Variants in RUFY1 observed in about 807,000 individuals in gnomAD.
RUFY1 encodes RUN and FYVE domain containing 1.
Under a neutral mutation model 94.6 loss-of-function variants are expected in RUFY1, and 54 were observed. That is an observed-to-expected ratio of 0.57 (90% CI 0.46 to 0.72). The LOEUF (loss-of-function observed/expected upper bound fraction) is 0.72, where lower values mean the gene tolerates loss of function less well. Ranked by LOEUF, RUFY1 falls within the 30% of genes least tolerant of loss-of-function variation. The pLI, the probability that RUFY1 is intolerant of heterozygous loss-of-function variation, is 0.00. For synonymous variants in RUFY1, 396 were observed against 347.3 expected (o/e 1.14, Z -1.56); for missense variants, 883 against 883.9 (o/e 1.00, Z 0.01).
chr5:179,582,014 A>G (rs1764201270), intron 7 of RUFY1, among the ~76,000 whole-genome samples: 1 of 151,972 alleles, frequency 6.6e-6, no homozygotes, highest in Admixed American at 6.6e-5. Context: ...GATGTTGGCT[A>G]TTTTTTGAAA....
intron 1 of RUFY1, among the ~76,000 whole-genome samples, chr5:179,557,619 CA>C (rs1762174215): frequency 1.3e-5 from 2 of 152,122 alleles, no homozygotes; most frequent in Admixed American, 1.3e-4. Flanking sequence ...CCATTTTCAT[CA>C]AATACTTAGC....
At chr5:179,554,925 G>A (rs1371872267) in intron 1 of RUFY1, among the ~76,000 whole-genome samples, 3 of 151,822 alleles carry the variant, frequency 2.0e-5, no homozygotes, top group African/African-American at 4.8e-5. Flanking sequence ...CCAAGATCAC[G>A]CCACTGCACT....
At chr5:179,586,774 G>T (rs1238451846) in intron 8 of RUFY1, among the ~76,000 whole-genome samples, 1 of 152,168 alleles carries the variant, frequency 6.6e-6, no homozygotes, top group Non-Finnish European at 1.5e-5. Flanking sequence ...CTTAGGATTG[G>T]AGGCTTCACA....
In RUFY1 at chr5:179,602,005, T is replaced by G; in HGVS notation, c.1856+19T>G. 6.3e-7 allele frequency: 1 copy of G among 1,593,064 alleles called. No homozygotes were observed. Among genetic ancestry groups the G allele is most frequent in the Non-Finnish European group, 8.6e-7 (1 of 1,161,556 alleles). On this transcript the variant is annotated intron_variant, in intron 15 of 17. Transcript: ENST00000319449. ...TCAGCCAGTAAGAACCCCACTCCCC[T>G]TGTCTGCCACTGCAGGCACACCAGG...
intron 5 of RUFY1, among the ~76,000 whole-genome samples, chr5:179,575,655 G>A (rs1366107331): frequency 1.3e-5 from 2 of 152,182 alleles, no homozygotes; most frequent in African/African-American, 4.8e-5. Context: ...TTTGGTAGGT[G>A]TGTCAGAGAG....
chr5:179,596,710 G>A, intron 13 of RUFY1, 29 bp downstream of exon 13: 1 of 1,552,924 alleles, frequency 6.4e-7, no homozygotes, highest in Non-Finnish European at 8.6e-7. Context: ...GCCTGGGCTG[G>A]GGTGTGGCTC....
chr5:179,604,017 A>G (rs1472510886), intron 15 of RUFY1, among the ~76,000 whole-genome samples: 1 of 152,234 alleles, frequency 6.6e-6, no homozygotes, highest in East Asian at 1.9e-4. Context: ...AGATCGCGCC[A>G]TTGCACTCCA....
chr5:179,580,835 G>GT, intron 6 of RUFY1, 112 bp from the exon 7 acceptor site: 1 of 617,806 alleles, frequency 1.6e-6, no homozygotes, highest in Non-Finnish European at 2.8e-6. Flanking sequence ...CTGTCTCTTG[G>GT]TTTCTTGAAG....
chr5:179,567,289 C>T (rs968773426), intron 3 of RUFY1, among the ~76,000 whole-genome samples, 172 bp from the exon 4 acceptor site: 14 of 152,176 alleles, frequency 9.2e-5, no homozygotes, highest in African/African-American at 2.7e-4. Flanking sequence ...GAGCCATTTT[C>T]GCTGCCTGCC....
At chr5:179,580,515 T>G (rs1764071357) in intron 6 of RUFY1, among the ~76,000 whole-genome samples, 1 of 151,484 alleles carries the variant, frequency 6.6e-6, no homozygotes, top group Admixed American at 6.6e-5. Flanking sequence ...GTGCTGGGAT[T>G]ACAGGCGTGA....
intron 6 of RUFY1, among the ~76,000 whole-genome samples, chr5:179,578,761 A>G (rs1219811035): frequency 6.6e-6 from 1 of 151,588 alleles, no homozygotes; most frequent in African/African-American, 2.4e-5. Flanking sequence ...CTCCTGCCTC[A>G]ACCTTCCTGA....
chr5:179,608,381 A>C (rs1161758584), intron 17 of RUFY1: 1 of 985,460 alleles, frequency 1.0e-6, no homozygotes, highest in African/African-American at 1.7e-5. Flanking sequence ...GCTAGAAACC[A>C]CGTCCTGAGG....
At chr5:179,551,012 G>A in intron 1 of RUFY1, 133 bp downstream of exon 1, 4 of 774,872 alleles carry the variant, frequency 5.2e-6, no homozygotes, top group Middle Eastern at 6.3e-4. Flanking sequence ...GCGGGCGGGC[G>A]GCGCCTGGCT....
At position 179,559,419 on chromosome 5, in the gene RUFY1, A is replaced by G. The variant is rs548997245; in HGVS notation, c.311-606A>G. On this transcript the variant is annotated intron_variant, in intron 1 of 17. Transcript: ENST00000319449. ...AGTAGCGGACGAAAGATCGGCAACA[A>G]GAATTTGAGCCTGGAGCTGAGGGGA... 5.9e-5 allele frequency among the ~76,000 whole-genome samples: 9 copies of G among 152,354 alleles called. No homozygotes were observed. The East Asian group carries it at 1.5e-3, about 26-fold the overall frequency.
intron 1 of RUFY1, among the ~76,000 whole-genome samples, chr5:179,551,156 G>A (rs73330331): frequency 6.6e-6 from 1 of 152,212 alleles, no homozygotes; most frequent in South Asian, 2.1e-4. Context: ...TCCGGGCTTC[G>A]GAACTCTGTA....
intron 15 of RUFY1, among the ~76,000 whole-genome samples, chr5:179,605,545 G>A (rs1194386748): frequency 6.6e-6 from 1 of 152,178 alleles, no homozygotes; most frequent in African/African-American, 2.4e-5. Flanking sequence ...AGAGACTAGT[G>A]CAGAACAGGG....
At chr5:179,599,099 C>T (rs1163737000) in intron 14 of RUFY1, among the ~76,000 whole-genome samples, 1 of 152,234 alleles carries the variant, frequency 6.6e-6, no homozygotes, top group Non-Finnish European at 1.5e-5. Flanking sequence ...GAGGGAGCGA[C>T]CGGTGAGCAG....
At chr5:179,559,184 T>A (rs997419895) in intron 1 of RUFY1, among the ~76,000 whole-genome samples, 4 of 152,228 alleles carry the variant, frequency 2.6e-5, no homozygotes, top group African/African-American at 9.6e-5. Flanking sequence ...TCTAAACTTT[T>A]AGTTTCTAGG....
intron 1 of RUFY1, among the ~76,000 whole-genome samples, chr5:179,556,887 A>C (rs1016500248): frequency 1.2e-4 from 18 of 152,310 alleles, no homozygotes; most frequent in Admixed American, 7.9e-4. Flanking sequence ...TTTACTGCTA[A>C]AGCGTGATAG....
Sources: gnomAD v4.1 joint callset for allele counts (sites outside exome capture counted in the v4.1 genomes callset) on GRCh38, gnomAD v4.1.1 for gene constraint, MANE v1.5 for transcripts, NCBI Gene and HGNC (gene_info 2026-07-23, HGNC 2026-07-21) for gene names.